NKAIN3: variants seen among roughly 807,000 people sequenced by gnomAD.
NKAIN3 encodes sodium/potassium-transporting ATPase subunit beta-1-interacting protein 3.
NKAIN3 carries 25 observed loss-of-function variants against 30.2 expected under a neutral mutation model. The ratio of observed to expected loss-of-function variants is 0.83; its 90% CI spans 0.60 to 1.16. NKAIN3 has a LOEUF of 1.16. NKAIN3 is among the 50% of genes most tolerant of loss of function. The pLI is 0.00. For missense variants in NKAIN3, 225 were observed against 254.1 expected (o/e 0.89, Z 0.78); for synonymous variants, 91 against 89.6 (o/e 1.02, Z -0.09).
chr8:62,616,618 T>G (rs918377258), intron 3 of NKAIN3, among the ~76,000 whole-genome samples: 2 of 152,062 alleles, frequency 1.3e-5, no homozygotes, highest in African/African-American at 4.8e-5. Context: ...TGTTTGTTTG[T>G]TTTTTGTTTT....
At chr8:62,744,375 A>G (rs746579537) in intron 3 of NKAIN3, among the ~76,000 whole-genome samples, 26 of 152,244 alleles carry the variant, frequency 1.7e-4, no homozygotes, top group Non-Finnish European at 3.5e-4. Flanking sequence ...AATGATACCT[A>G]TGCTGAAAGG....
rs114196598 is a variant in NKAIN3 at position 62,966,495 on chromosome 8, T to C, written c.*1088T>C. 2.0e-3 allele frequency: 1,301 copies of C among 653,566 alleles called. 14 individuals carry two copies. The African/African-American group carries it at 0.024, about 12-fold the overall frequency. 40.5% of individuals were successfully genotyped at this position (653,566 alleles called of 1,614,324 possible). On this transcript the variant is annotated 3_prime_UTR_variant, in exon 7 of 7. Coordinates refer to ENST00000623646, the MANE Select transcript of NKAIN3 (RefSeq NM_001304533.3). ...ATTAATGGTACGATTTGATTAGTTT[T>C]GAAAAATGTACATACCCATGTAACC...
intron 3 of NKAIN3, among the ~76,000 whole-genome samples, chr8:62,733,433 C>G (rs1052160617): frequency 6.6e-6 from 1 of 152,106 alleles, no homozygotes; most frequent in African/African-American, 2.4e-5. Context: ...AGATATATAT[C>G]TATACGTATA....
At chr8:62,667,707 T>C (rs1385609404) in intron 3 of NKAIN3, among the ~76,000 whole-genome samples, 1 of 152,058 alleles carries the variant, frequency 6.6e-6, no homozygotes, top group Middle Eastern at 3.2e-3. Flanking sequence ...TTCTAAAAAA[T>C]AAATCAGATC....
intron 3 of NKAIN3, among the ~76,000 whole-genome samples, chr8:62,672,403 T>C (rs1404426460): frequency 1.3e-5 from 2 of 152,172 alleles, no homozygotes; most frequent in African/African-American, 4.8e-5. Context: ...GAGACTCTGA[T>C]GTAGAACTCA....
At position 62,977,919 on chromosome 8, in the gene NKAIN3, T is replaced by A. The variant is rs1823981097; in HGVS notation, c.*12512T>A. On this transcript the variant is annotated 3_prime_UTR_variant, in exon 7 of 7. Transcript: ENST00000623646. ...TTTACATGGTCATGCTCTTTGTTGATGTTGATGCTATTGCTTTCTGTTTGT... is the reference window on the plus strand; with the variant it reads ...TTTACATGGTCATGCTCTTTGTTGAAGTTGATGCTATTGCTTTCTGTTTGT... 1 of 152,314 alleles carries A rather than the reference T, an allele frequency of 6.6e-6. No individual in the cohort carries two copies. Among genetic ancestry groups the A allele is most frequent in the Non-Finnish European group, 1.5e-5 (1 of 68,122 alleles). The allele number at this position is 152,314 out of a possible 1,614,324, so 9.4% of individuals were successfully genotyped here. A position where few individuals can be genotyped will look rare whatever the true frequency, so the allele number is the denominator to read the frequency against.
intron 1 of NKAIN3, among the ~76,000 whole-genome samples, chr8:62,536,002 A>G (rs1202403545): frequency 6.6e-6 from 1 of 152,184 alleles, no homozygotes; most frequent in Non-Finnish European, 1.5e-5. Context: ...GGAACCATGG[A>G]TGAACACCAA....
chr8:62,782,078 C>A (rs1411195726), intron 4 of NKAIN3, among the ~76,000 whole-genome samples: 1 of 151,122 alleles, frequency 6.6e-6, no homozygotes, highest in African/African-American at 2.4e-5. Flanking sequence ...AAGAACTCAA[C>A]AGGAAAAAAT....
At position 62,963,515 on chromosome 8, in the gene NKAIN3, A is replaced by G. The variant is rs1823628674; in HGVS notation, c.604-1839A>G. Among the ~76,000 whole-genome samples the G allele has an allele frequency of 2.0e-5, 3 of 152,318 alleles. No individual in the cohort carries two copies. The South Asian group carries it at 6.2e-4, about 32-fold the overall frequency. ...CCAAACCCTCACTGACACTACTGCT[A>G]ACAAAGAAAAACACCTTCTCCTGTT... On this transcript the variant is annotated intron_variant, in intron 6 of 6. Transcript: ENST00000623646.
chr8:62,781,579 G>A (rs1254161471), intron 4 of NKAIN3, among the ~76,000 whole-genome samples: 1 of 151,778 alleles, frequency 6.6e-6, no homozygotes, highest in African/African-American at 2.4e-5. Flanking sequence ...AAAAATAGAT[G>A]CATGGACCAA....
intron 4 of NKAIN3, among the ~76,000 whole-genome samples, chr8:62,796,241 G>T (rs1180858985): frequency 6.6e-6 from 1 of 151,580 alleles, no homozygotes; most frequent in Non-Finnish European, 1.5e-5. Flanking sequence ...AACAATAGCT[G>T]GGCATGGTGG....
intron 3 of NKAIN3, among the ~76,000 whole-genome samples, chr8:62,700,695 C>A (rs1814306263): frequency 6.6e-6 from 1 of 152,128 alleles, no homozygotes. Flanking sequence ...GCTGTATTTA[C>A]TCAGTTAAAA....
chr8:62,867,563 T>C lies in NKAIN3; in HGVS notation c.472-50890T>C, dbSNP rs143495494. ...AATGTCTGTCATAGCTCAAAAGACT[T>C]ATGCAAGAGGAACCAAAAGCCTCCA... On this transcript the variant is annotated intron_variant, in intron 4 of 6. Coordinates refer to ENST00000623646, the MANE Select transcript of NKAIN3 (RefSeq NM_001304533.3). 4.1e-3 allele frequency among the ~76,000 whole-genome samples: 617 copies of C among 152,284 alleles called. 7 individuals carry two copies. The highest frequency in any genetic ancestry group is 0.014 in the African/African-American group (582 of 41,550).
At chr8:62,914,886 A>T (rs1424588041) in intron 4 of NKAIN3, among the ~76,000 whole-genome samples, 1 of 150,146 alleles carries the variant, frequency 6.7e-6, no homozygotes, top group Non-Finnish European at 1.5e-5. Context: ...TGCTGCACCC[A>T]TCAACCTGTC....
chr8:62,800,882 C>T (rs10086944), intron 4 of NKAIN3, among the ~76,000 whole-genome samples: 1,933 of 148,988 alleles, frequency 0.013, 39 homozygotes, highest in African/African-American at 0.045. Context: ...GGGTGACAGA[C>T]GGCACCTGGA....
intron 4 of NKAIN3, among the ~76,000 whole-genome samples, chr8:62,860,113 C>T (rs1820195710): frequency 2.0e-5 from 3 of 152,138 alleles, no homozygotes; most frequent in Admixed American, 2.0e-4. Flanking sequence ...GACCAATCTG[C>T]TTAAATGCTG....
At chr8:62,412,358 G>A (rs967475128) in intron 1 of NKAIN3, among the ~76,000 whole-genome samples, 30 of 151,656 alleles carry the variant, frequency 2.0e-4, no homozygotes, top group African/African-American at 7.0e-4. Flanking sequence ...TTCAATAAGT[G>A]GTGCTAAGAT....
At position 62,745,792 on chromosome 8, in the gene NKAIN3, G is replaced by A. The variant is rs543569397; in HGVS notation, c.274-1140G>A. On this transcript the variant is annotated intron_variant, in intron 3 of 6. Coordinates refer to ENST00000623646, the MANE Select transcript of NKAIN3 (RefSeq NM_001304533.3). Reference sequence around the variant, plus strand: ...TTTCTTGAAACAACTGAGGAGGAAGGACCTGGCTGTCTTCAGAGTATAAGG... The same window carrying A: ...TTTCTTGAAACAACTGAGGAGGAAGAACCTGGCTGTCTTCAGAGTATAAGG... Among the ~76,000 whole-genome samples the A allele has an allele frequency of 1.2e-4, 19 of 152,240 alleles. No homozygotes were observed. The South Asian group carries it at 3.7e-3, about 30-fold the overall frequency.
At chr8:62,816,732 G>A (rs896433457) in intron 4 of NKAIN3, among the ~76,000 whole-genome samples, 4 of 152,128 alleles carry the variant, frequency 2.6e-5, no homozygotes, top group African/African-American at 9.7e-5. Flanking sequence ...GGGAGTGTCA[G>A]CAGGACTTCA....
Sources: gnomAD v4.1 joint callset for allele counts (sites outside exome capture counted in the v4.1 genomes callset) on GRCh38, gnomAD v4.1.1 for gene constraint, MANE v1.5 for transcripts, NCBI Gene and HGNC (gene_info 2026-07-23, HGNC 2026-07-21) for gene names.